Variants in EZR observed in about 807,000 individuals in gnomAD.
EZR encodes the protein ezrin, also known as cytovillin 2.
A neutral mutation model predicts 74.8 loss-of-function variants in EZR; 40 were observed. The ratio of observed to expected loss-of-function variants is 0.53; its 90% CI spans 0.42 to 0.70. The LOEUF is 0.70. EZR is among the 30% of genes least tolerant of loss of function. The pLI is 0.00. For synonymous variants in EZR, 341 were observed against 283.3 expected, an observed-to-expected ratio of 1.20 and a Z score of -2.05; for missense variants, 678 against 755.8, an observed-to-expected ratio of 0.90 and a Z score of 1.21.
chr6:158,780,959 C>T (rs567481093), intron 7 of EZR, among the ~76,000 whole-genome samples: 1 of 152,160 alleles, frequency 6.6e-6, no homozygotes, highest in Non-Finnish European at 1.5e-5. Flanking sequence ...AAGGGAACCC[C>T]AAGAGACAGA....
chr6:158,817,789 A>G (rs1777590686), intron 2 of EZR, among the ~76,000 whole-genome samples: 1 of 152,210 alleles, frequency 6.6e-6, no homozygotes, highest in South Asian at 2.1e-4. Context: ...CTTTAAAAAC[A>G]GACGGAAGCA....
chr6:158,802,585 G>A (rs1473518239), intron 2 of EZR, among the ~76,000 whole-genome samples: 1 of 152,194 alleles, frequency 6.6e-6, no homozygotes, highest in Non-Finnish European at 1.5e-5. Flanking sequence ...AGGCTGGAGT[G>A]CAGTGGCGCA....
Position 158,787,221 on chromosome 6 carries a change from A to C in EZR, c.97-18T>G, listed in dbSNP as rs751069498. 9.4e-6 allele frequency: 15 copies of C among 1,589,050 alleles called. No homozygotes were observed. The highest frequency in any genetic ancestry group is 3.3e-5 in the Admixed American group (2 of 59,756). On this transcript the variant is annotated intron_variant, in intron 3 of 13. Transcript: ENST00000367075. ...TTTACCACCTGCGTGAGAGAGAGAG[A>C]GGCTCAACACTCATGAGAAACTCAC... is the stretch of plus-strand genomic sequence containing the variant.
intron 1 of EZR, 130 bp from the exon 2 acceptor site, chr6:158,818,296 C>A: frequency 2.6e-6 from 1 of 383,034 alleles, no homozygotes; most frequent in Non-Finnish European, 4.6e-6. Context: ...GAGTCAGCGC[C>A]CCGCCCAGCA....
chr6:158,793,439 C>T (rs912583977), intron 2 of EZR, among the ~76,000 whole-genome samples: 1 of 151,988 alleles, frequency 6.6e-6, no homozygotes, highest in Non-Finnish European at 1.5e-5. Context: ...GCAGGCTCTA[C>T]AATCTGTATC....
rs111465266 is a variant in EZR, at chr6:158,817,849, G to A, written c.12+233C>T. On this transcript the variant is annotated intron_variant, in intron 2 of 13. Transcript: ENST00000367075. ...GAAAAGACCGTAACTACTGGGGAGG[G>A]GGCTCACAAAGAAAAAGACTGCAGA... 9.1e-3 allele frequency among the ~76,000 whole-genome samples: 1,378 copies of A among 152,174 alleles called. 22 individuals carry two copies. The highest frequency in any genetic ancestry group is 0.014 in the Non-Finnish European group (973 of 68,004).
chr6:158,798,449 C>T (rs764966026), intron 2 of EZR, among the ~76,000 whole-genome samples: 1 of 152,186 alleles, frequency 6.6e-6, no homozygotes, highest in African/African-American at 2.4e-5. Context: ...GCCAAACTGA[C>T]ACCAACACAG....
At chr6:158,781,758 C>T (rs1313644578) in intron 7 of EZR, among the ~76,000 whole-genome samples, 1 of 91,498 alleles carries the variant, frequency 1.1e-5, no homozygotes, top group African/African-American at 4.8e-5. Context: ...TACCCACTTT[C>T]CCCACTTCTT....
chr6:158,813,778 A>G (rs1292341638), intron 2 of EZR, among the ~76,000 whole-genome samples: 1 of 152,230 alleles, frequency 6.6e-6, no homozygotes, highest in Admixed American at 6.5e-5. Context: ...TTGTATTAGA[A>G]ATGTCTATAA....
intron 8 of EZR, among the ~76,000 whole-genome samples, chr6:158,775,649 G>A (rs775879885): frequency 6.6e-6 from 1 of 152,210 alleles, no homozygotes; most frequent in Admixed American, 6.5e-5. Context: ...GGTGGTAACA[G>A]AATTTCTTCA....
At chr6:158,802,532 T>C (rs1449810428) in intron 2 of EZR, among the ~76,000 whole-genome samples, 2 of 152,136 alleles carry the variant, frequency 1.3e-5, no homozygotes, top group South Asian at 4.1e-4. Flanking sequence ...TTGGTGGTAG[T>C]GTTTTGTTTG....
intron 2 of EZR, among the ~76,000 whole-genome samples, chr6:158,797,638 T>C (rs1777101798): frequency 6.6e-6 from 1 of 152,212 alleles, no homozygotes; most frequent in Admixed American, 6.5e-5. Flanking sequence ...TTAGAAATGC[T>C]CTGATAGAAA....
chr6:158,789,003 T>C (rs986200586), intron 3 of EZR, among the ~76,000 whole-genome samples: 1 of 152,212 alleles, frequency 6.6e-6, no homozygotes, highest in African/African-American at 2.4e-5. Flanking sequence ...ATAACTCTCT[T>C]TTCAGTCCTT....
At chr6:158,774,225 C>T (rs1163321095) in intron 8 of EZR, among the ~76,000 whole-genome samples, 1 of 152,172 alleles carries the variant, frequency 6.6e-6, no homozygotes, top group Non-Finnish European at 1.5e-5. Context: ...GTGCCTCGAG[C>T]AGCCCTGGGG....
intron 10 of EZR, 46 bp from the exon 11 acceptor site, chr6:158,769,990 A>G (rs2128565048): frequency 6.3e-7 from 1 of 1,593,390 alleles, no homozygotes; most frequent in Non-Finnish European, 8.5e-7. Context: ...CAGCCCAGGG[A>G]CCTAGGAGCC....
At chr6:158,796,993 T>A (rs564186895) in intron 2 of EZR, among the ~76,000 whole-genome samples, 1 of 152,374 alleles carries the variant, frequency 6.6e-6, no homozygotes, top group South Asian at 2.1e-4. Flanking sequence ...TTGCTTCTAA[T>A]CTATGAATAT....
At chr6:158,817,837 C>T (rs1047149816) in intron 2 of EZR, among the ~76,000 whole-genome samples, 3 of 152,206 alleles carry the variant, frequency 2.0e-5, no homozygotes, top group Non-Finnish European at 4.4e-5. Flanking sequence ...AAGACCGTAA[C>T]TACTGGGGAG....
chr6:158,783,147 C>T (rs1791476132), intron 7 of EZR, among the ~76,000 whole-genome samples: 1 of 152,072 alleles, frequency 6.6e-6, no homozygotes, highest in Non-Finnish European at 1.5e-5. Context: ...TAGCACAAAC[C>T]TCGAGCCAGG....
At chr6:158,813,883 A>G (rs1777497990) in intron 2 of EZR, among the ~76,000 whole-genome samples, 3 of 152,020 alleles carry the variant, frequency 2.0e-5, no homozygotes, top group Non-Finnish European at 4.4e-5. Context: ...CTCAGCCCTG[A>G]ACACAATCCC....
Sources: gnomAD v4.1 joint callset for allele counts (sites outside exome capture counted in the v4.1 genomes callset) on GRCh38, gnomAD v4.1.1 for gene constraint, MANE v1.5 for transcripts, NCBI Gene and HGNC (gene_info 2026-07-23, HGNC 2026-07-21) for gene names.